CDKL5: variants seen among roughly 807,000 people sequenced by gnomAD.
The protein encoded by CDKL5 is cyclin dependent kinase like 5, also known as cyclin-dependent kinase-like 5.
CDKL5 carries 8 observed loss-of-function variants against 61.7 expected under a neutral mutation model. The observed-to-expected ratio is 0.13, with a 90% CI of 0.08 to 0.23. The LOEUF (loss-of-function observed/expected upper bound fraction) is 0.23, where lower values mean the gene tolerates loss of function less well. Ranked by LOEUF, CDKL5 falls within the 10% of genes least tolerant of loss-of-function variation. The pLI, the probability that CDKL5 is intolerant of heterozygous loss-of-function variation, is 1.00. For missense variants in CDKL5, 440 were observed against 734.5 expected (o/e 0.60, Z 4.63); for synonymous variants, 275 against 272.3 (o/e 1.01, Z -0.10).
intron 3 of CDKL5, among the ~76,000 whole-genome samples, chrX:18,547,811 CTA>C (rs1422762532): frequency 3.6e-5 from 4 of 111,983 alleles, no homozygotes; most frequent in African/African-American, 1.3e-4. Flanking sequence ...GTAAGACAAA[CTA>C]GACACATGTT....
intron 4 of CDKL5, 62 bp downstream of exon 4, chrX:18,564,584 T>C: frequency 2.5e-6 from 1 of 405,062 alleles, no homozygotes; most frequent in Non-Finnish European, 3.7e-6. Context: ...TGTATAAAGT[T>C]TTTATACATA....
chrX:18,461,090 C>A (rs1932276810), intron 1 of CDKL5, among the ~76,000 whole-genome samples: 1 of 111,954 alleles, frequency 8.9e-6, no homozygotes. Flanking sequence ...TGGTAAAACA[C>A]AATTTATCCA....
chrX:18,522,065 T>C (rs1923263613), intron 3 of CDKL5, among the ~76,000 whole-genome samples: 2 of 111,146 alleles, frequency 1.8e-5, no homozygotes, highest in South Asian at 7.5e-4. Flanking sequence ...TTTTTTTTCA[T>C]TTCTGGGAAA....
At chrX:18,628,289 C>G in intron 17 of CDKL5, 82 bp from the exon 18 acceptor site, 2 of 1,033,347 alleles carry the variant, frequency 1.9e-6, no homozygotes, top group Non-Finnish European at 2.7e-6. Context: ...ACCCAGTCAC[C>G]TCACCTCTAA....
In CDKL5 at chrX:18,634,435, A is replaced by T; in HGVS notation, c.*5678A>T. 1.3e-6 allele frequency: 1 copy of T among 754,579 alleles called. No homozygotes were observed. Among genetic ancestry groups the T allele is most frequent in the Non-Finnish European group, 1.6e-6 (1 of 639,445 alleles). 62.2% of individuals were successfully genotyped at this position (754,579 alleles called of 1,213,427 possible). On this transcript the variant is annotated 3_prime_UTR_variant, in exon 18 of 18. Transcript: ENST00000623535. The stretch of plus-strand genomic sequence containing the variant: ...TGTGGGGACTAAAGTGTTTTTTGCC[A>T]GAATTGTCAAAAGCTCCGGTTCAAA...
At chrX:18,465,080 C>T (rs1415241211) in intron 1 of CDKL5, among the ~76,000 whole-genome samples, 3 of 111,065 alleles carry the variant, frequency 2.7e-5, no homozygotes, top group Non-Finnish European at 5.7e-5. Flanking sequence ...CTGTAATCCA[C>T]CTGAAGTTAG....
At chrX:18,437,272 C>T (rs984188654) in intron 1 of CDKL5, among the ~76,000 whole-genome samples, 2 of 111,583 alleles carry the variant, frequency 1.8e-5, no homozygotes, top group South Asian at 7.4e-4. Flanking sequence ...TAGAAATTCC[C>T]TTTAATTTTC....
At chrX:18,620,053 T>G in intron 16 of CDKL5, 87 bp downstream of exon 16, 1 of 583,265 alleles carries the variant, frequency 1.7e-6, no homozygotes, top group South Asian at 2.7e-5. Flanking sequence ...GCAATCAAAG[T>G]TGATTGTTTT....
chrX:18,541,134 T>A (rs1027437363), intron 3 of CDKL5, among the ~76,000 whole-genome samples: 1 of 112,501 alleles, frequency 8.9e-6, no homozygotes, highest in Admixed American at 9.4e-5. Flanking sequence ...AGTTTCACTA[T>A]GATGTGTCTT....
chrX:18,634,640 C>T lies in CDKL5; in HGVS notation c.*5883C>T. The T allele has an allele frequency of 1.3e-6, 1 of 753,906 alleles. No individual in the cohort carries two copies. Among genetic ancestry groups the T allele is most frequent in the Non-Finnish European group, 1.6e-6 (1 of 639,188 alleles). The allele number at this position is 753,906 out of a possible 1,213,427, so 62.1% of individuals were successfully genotyped here. Reference sequence around the variant, plus strand: ...CTGGCCCTCAGTCTGTTTCCCTCCCCTTGTTTACTCTTTGGTCACCGATCG... The same window carrying T: ...CTGGCCCTCAGTCTGTTTCCCTCCCTTTGTTTACTCTTTGGTCACCGATCG... On this transcript the variant is annotated 3_prime_UTR_variant, in exon 18 of 18. Transcript: ENST00000623535.
At chrX:18,466,323 G>A (rs186337761) in intron 1 of CDKL5, among the ~76,000 whole-genome samples, 53 of 112,029 alleles carry the variant, frequency 4.7e-4, no homozygotes, top group African/African-American at 1.7e-3. Context: ...AGTATTTTTT[G>A]AGACAGTGTT....
At chrX:18,448,226 G>T (rs139325840) in intron 1 of CDKL5, among the ~76,000 whole-genome samples, 1,962 of 112,201 alleles carry the variant, frequency 0.017, 20 homozygotes, top group Non-Finnish European at 0.024. Context: ...AGATAGTGGG[G>T]TCTTGTCCAG....
At chrX:18,467,926 TG>T (rs1920977523) in intron 1 of CDKL5, among the ~76,000 whole-genome samples, 2 of 111,940 alleles carry the variant, frequency 1.8e-5, no homozygotes, top group African/African-American at 6.5e-5. Context: ...TAATGTCAGT[TG>T]TATATGTGAA....
intron 10 of CDKL5, among the ~76,000 whole-genome samples, chrX:18,595,938 C>T (rs1925978148): frequency 9.0e-6 from 1 of 111,534 alleles, no homozygotes; most frequent in South Asian, 3.8e-4. Flanking sequence ...CTTATGCTAC[C>T]CTCCCTGTCC....
At chrX:18,653,345 C>T in intron 21 of CDKL5, 13 of 1,170,187 alleles carry the variant, frequency 1.1e-5, no homozygotes, top group South Asian at 9.4e-5. Flanking sequence ...CCTTCTGCTC[C>T]GTGGGGGGCC....
At chrX:18,439,862 T>C (rs983292861) in intron 1 of CDKL5, among the ~76,000 whole-genome samples, 2 of 109,748 alleles carry the variant, frequency 1.8e-5, no homozygotes, top group Non-Finnish European at 3.8e-5. Flanking sequence ...AAGCTTTGTT[T>C]ATACTATACT....
intron 3 of CDKL5, among the ~76,000 whole-genome samples, chrX:18,554,914 T>A (rs993551727): frequency 9.0e-6 from 1 of 111,387 alleles, no homozygotes; most frequent in Admixed American, 9.6e-5. Context: ...CTTTACCTGA[T>A]CTCTTCAACA....
chrX:18,528,899 G>T (rs1422283295), intron 3 of CDKL5, among the ~76,000 whole-genome samples: 1 of 111,410 alleles, frequency 9.0e-6, no homozygotes, highest in Non-Finnish European at 1.9e-5. Flanking sequence ...GCCTCGCAAA[G>T]TGCTGGGATT....
chrX:18,513,027 C>A (rs1218666473), intron 3 of CDKL5, among the ~76,000 whole-genome samples: 1 of 111,196 alleles, frequency 9.0e-6, no homozygotes, highest in East Asian at 2.8e-4. Context: ...TACATATGTA[C>A]ATACACATAT....
Sources: allele counts gnomAD v4.1 joint callset (sites outside exome capture counted in the v4.1 genomes callset), GRCh38; gene constraint gnomAD v4.1.1; transcripts MANE v1.5; gene names NCBI Gene and HGNC (gene_info 2026-07-23, HGNC 2026-07-21).